The following CTNNA2 variants were observed in gnomAD, a reference collection of about 807,000 sequenced individuals.
CTNNA2 encodes the protein catenin alpha 2.
Under a neutral mutation model 101.0 loss-of-function variants are expected in CTNNA2, and 42 were observed. That is an observed-to-expected ratio of 0.42 (90% CI 0.32 to 0.54). CTNNA2 has a LOEUF of 0.54. Ranked by LOEUF, CTNNA2 falls within the 20% of genes least tolerant of loss-of-function variation. The probability of loss-of-function intolerance (pLI) is 0.14; values close to 1 mark genes in which losing one functional copy is unlikely to be tolerated. For synonymous variants in CTNNA2, 450 were observed against 456.4 expected, an observed-to-expected ratio of 0.99 and a Z score of 0.18; for missense variants, 871 against 1,223.1, an observed-to-expected ratio of 0.71 and a Z score of 4.29.
At chr2:80,625,366 T>TC (rs1671574913) in intron 18 of CTNNA2, among the ~76,000 whole-genome samples, 2 of 152,052 alleles carry the variant, frequency 1.3e-5, no homozygotes, top group Non-Finnish European at 2.9e-5. Context: ...ATATGTTTTT[T>TC]CAATTGTGCT....
chr2:80,008,974 G>A (rs1283232287), intron 7 of CTNNA2, among the ~76,000 whole-genome samples: 3 of 152,164 alleles, frequency 2.0e-5, no homozygotes, highest in Admixed American at 6.6e-5. Context: ...ACACTGAAAT[G>A]CCAGAGGAAG....
chr2:79,762,051 T>C (rs1482386438), intron 3 of CTNNA2, among the ~76,000 whole-genome samples: 1 of 152,204 alleles, frequency 6.6e-6, no homozygotes, highest in Non-Finnish European at 1.5e-5. Context: ...GCAGAAGGGC[T>C]TCGTCGTTAA....
At chr2:79,975,212 C>G (rs1690750378) in intron 7 of CTNNA2, among the ~76,000 whole-genome samples, 1 of 152,170 alleles carries the variant, frequency 6.6e-6, no homozygotes, top group African/African-American at 2.4e-5. Flanking sequence ...TCCATGGTAT[C>G]ATTCCAGTGG....
At chr2:79,436,749 A>G (rs1678721010) in intron 4 of CTNNA2, among the ~76,000 whole-genome samples, 1 of 151,742 alleles carries the variant, frequency 6.6e-6, no homozygotes, top group African/African-American at 2.4e-5. Flanking sequence ...ATCCTGCCTC[A>G]GCCTCCCGAG....
At chr2:79,193,448 G>A (rs933670934) in intron 1 of CTNNA2, among the ~76,000 whole-genome samples, 16 of 152,122 alleles carry the variant, frequency 1.1e-4, no homozygotes, top group South Asian at 8.3e-4. Flanking sequence ...ATACAGGTAC[G>A]TACCCTAGGA....
chr2:80,309,378 G>T (rs1291885310), intron 7 of CTNNA2, among the ~76,000 whole-genome samples: 2 of 151,998 alleles, frequency 1.3e-5, no homozygotes, highest in Non-Finnish European at 2.9e-5. Flanking sequence ...TTCTTCTTCT[G>T]AACTCCATTA....
chr2:79,913,106 C>T (rs1279019814), intron 7 of CTNNA2, among the ~76,000 whole-genome samples: 1 of 152,128 alleles, frequency 6.6e-6, no homozygotes, highest in East Asian at 1.9e-4. Context: ...TGGGAGGAGA[C>T]AGACAGTAAA....
In CTNNA2 at chr2:79,695,024, AT is replaced by A. The variant is rs5832400; in HGVS notation, c.102+43379del. Among the ~76,000 whole-genome samples, 1,272 of 139,440 alleles carry A rather than the reference AT, an allele frequency of 9.1e-3. 37 individuals carry two copies. Among genetic ancestry groups the A allele is most frequent in the Admixed American group, 0.065 (921 of 14,076 alleles). 91.5% of individuals were successfully genotyped at this position (139,440 alleles called of 152,430 possible). A position where few individuals can be genotyped will look rare whatever the true frequency, so the allele number is the denominator to read the frequency against. ...AAGGCCGTATGAAACCAAGCCTTACATTTTTTTTTTTTTGGGGTATTATGTG... is the reference window on the plus strand; with the variant it reads ...AAGGCCGTATGAAACCAAGCCTTACATTTTTTTTTTTTGGGGTATTATGTG... On this transcript the variant is annotated intron_variant, in intron 2 of 18. Coordinates refer to ENST00000402739, the MANE Select transcript of CTNNA2 (RefSeq NM_001282597.3).
At chr2:79,433,303 A>G (rs1431175174) in intron 4 of CTNNA2, among the ~76,000 whole-genome samples, 1 of 152,162 alleles carries the variant, frequency 6.6e-6, no homozygotes, top group Non-Finnish European at 1.5e-5. Flanking sequence ...ACTACTCCTG[A>G]GCTCCACATG....
chr2:79,484,338 C>G (rs987747083), intron 4 of CTNNA2, among the ~76,000 whole-genome samples: 1 of 152,076 alleles, frequency 6.6e-6, no homozygotes, highest in African/African-American at 2.4e-5. Context: ...TTCATGAGCA[C>G]TCATGTAGAT....
chr2:80,371,498 G>A (rs977668176), intron 7 of CTNNA2, among the ~76,000 whole-genome samples: 3 of 142,118 alleles, frequency 2.1e-5, no homozygotes, highest in Non-Finnish European at 4.6e-5. Flanking sequence ...ATGAAGTGCA[G>A]TGCATACACA....
intron 7 of CTNNA2, among the ~76,000 whole-genome samples, chr2:80,213,518 G>T (rs1241902109): frequency 1.3e-5 from 2 of 152,202 alleles, no homozygotes; most frequent in Non-Finnish European, 2.9e-5. Context: ...ACGTAGTTGA[G>T]CAGTTTTGAG....
intron 1 of CTNNA2, among the ~76,000 whole-genome samples, chr2:79,565,380 A>G (rs1056008195): frequency 6.6e-6 from 1 of 152,074 alleles, no homozygotes; most frequent in Non-Finnish European, 1.5e-5. Flanking sequence ...CAAATGGACG[A>G]ACTTCCTGAG....
intron 7 of CTNNA2, among the ~76,000 whole-genome samples, chr2:80,042,056 C>A (rs914694689): frequency 2.0e-5 from 3 of 152,166 alleles, no homozygotes; most frequent in Admixed American, 1.3e-4. Flanking sequence ...CCTTCACCTC[C>A]CAGGTTCAAG....
chr2:79,435,692 T>G (rs927243670), intron 4 of CTNNA2, among the ~76,000 whole-genome samples: 1 of 152,162 alleles, frequency 6.6e-6, no homozygotes, highest in Non-Finnish European at 1.5e-5. Context: ...CTTTCATTGA[T>G]GACAACAAAT....
chr2:80,559,861 A>T (rs538358643), intron 12 of CTNNA2, among the ~76,000 whole-genome samples: 1 of 121,418 alleles, frequency 8.2e-6, no homozygotes, highest in Non-Finnish European at 1.8e-5. Flanking sequence ...GTGAAAGCAC[A>T]TTCAGCGATA....
intron 7 of CTNNA2, chr2:80,299,359 T>G (rs1676040839): frequency 1.3e-5 from 2 of 152,032 alleles, no homozygotes; most frequent in Admixed American, 6.6e-5. Flanking sequence ...TTCCTGCCGT[T>G]TCCCCCCACC....
chr2:79,732,657 AT>A (rs900191419), intron 2 of CTNNA2, among the ~76,000 whole-genome samples: 1 of 152,090 alleles, frequency 6.6e-6, no homozygotes, highest in African/African-American at 2.4e-5. Flanking sequence ...TAAAAACAAC[AT>A]TCTATTTGTT....
chr2:79,367,149 C>T (rs1022786707), intron 3 of CTNNA2, among the ~76,000 whole-genome samples: 8 of 152,092 alleles, frequency 5.3e-5, no homozygotes, highest in East Asian at 3.9e-4. Flanking sequence ...ACTCTACTCC[C>T]GTGCATCACA....
Sources: gnomAD v4.1 joint callset for allele counts (sites outside exome capture counted in the v4.1 genomes callset) on GRCh38, gnomAD v4.1.1 for gene constraint, MANE v1.5 for transcripts, NCBI Gene and HGNC (gene_info 2026-07-23, HGNC 2026-07-21) for gene names.